TNRC6A: variants seen among roughly 807,000 people sequenced by gnomAD.
The protein encoded by TNRC6A is trinucleotide repeat-containing gene 6A protein.
TNRC6A carries 44 observed loss-of-function variants against 221.2 expected under a neutral mutation model. The ratio of observed to expected loss-of-function variants is 0.20; its 90% CI spans 0.16 to 0.26. The LOEUF (loss-of-function observed/expected upper bound fraction) is 0.26. Ranked by LOEUF, TNRC6A falls within the 10% of genes least tolerant of loss-of-function variation. The pLI is 1.00. For missense variants in TNRC6A, 2,199 were observed against 2,404.4 expected, an observed-to-expected ratio of 0.91 and a Z score of 1.79; for synonymous variants, 847 against 838.5, an observed-to-expected ratio of 1.01 and a Z score of -0.18.
chr16:24,804,261 G>C lies in TNRC6A; in HGVS notation c.3779G>C (p.Gly1260Ala). The C allele has an allele frequency of 6.2e-7, 1 of 1,613,728 alleles. No homozygotes were observed. The change falls in exon 12 of 25, where the codon GGT (glycine) becomes GCT (alanine). Residue 1260 changes from glycine (G) to alanine (A), a missense_variant. Around this residue, in one of 8 missense-constraint regions of TNRC6A, gnomAD observed 158 missense variants for 159.1 expected, o/e 0.99. Transcript: ENST00000395799. ...AATCGAACGGTCGGGAAAGGCCCTG[G>C]TTCTCGGCCTCAGATTTCCAAAGAG... is the stretch of plus-strand genomic sequence containing the variant. ...DYNRTVGKGP[G>A]SRPQISKESS...
chr16:24,624,248 C>T (rs752705006), intron 1 of TNRC6A, among the ~76,000 whole-genome samples: 1 of 152,192 alleles, frequency 6.6e-6, no homozygotes, highest in Non-Finnish European at 1.5e-5. Context: ...GATTCCAAAT[C>T]TCTGCTCTCG....
intron 2 of TNRC6A, among the ~76,000 whole-genome samples, chr16:24,688,859 A>G (rs556252794): frequency 6.6e-6 from 1 of 152,344 alleles, no homozygotes; most frequent in East Asian, 1.9e-4. Context: ...TATGGATACA[A>G]TGAATTTCCA....
intron 2 of TNRC6A, among the ~76,000 whole-genome samples, chr16:24,656,645 C>T (rs2054919756): frequency 6.6e-6 from 1 of 151,716 alleles, no homozygotes; most frequent in African/African-American, 2.4e-5. Context: ...TAAATAACAC[C>T]AGGTTAACAA....
At chr16:24,679,912 T>C (rs1435207161) in intron 2 of TNRC6A, among the ~76,000 whole-genome samples, 1 of 152,158 alleles carries the variant, frequency 6.6e-6, no homozygotes, top group Non-Finnish European at 1.5e-5. Context: ...CCTGGCCCAC[T>C]GGATCTTTAA....
rs758411750 is a variant in TNRC6A, at chr16:24,789,304, C to A, written c.662C>A (p.Ser221Tyr). ...QRGPVSSTSD[S>Y]STNCKNAVVS... is the part of the protein sequence containing the mutation. ...GGACCTGTGTCTTCTACAAGTGATT[C>A]TAGCACAAACTGTAAGAATGCTGTT... The change falls in exon 6 of 25, where the codon TCT (serine) becomes TAT (tyrosine). Residue 221 changes from serine to tyrosine, a missense_variant. Ser to Tyr is a moderately radical substitution (Grantham distance 144). Around this residue, in one of 8 missense-constraint regions of TNRC6A, gnomAD observed 1,405 missense variants for 1,400.2 expected, o/e 1.00. Coordinates refer to ENST00000395799, the MANE Select transcript of TNRC6A (RefSeq NM_014494.4). 6.2e-7 allele frequency: 1 copy of A among 1,614,116 alleles called. No homozygotes were observed. The highest frequency in any genetic ancestry group is 1.1e-5 in the South Asian group (1 of 91,068).
chr16:24,633,660 T>C (rs1288219797), intron 1 of TNRC6A, among the ~76,000 whole-genome samples: 1 of 152,218 alleles, frequency 6.6e-6, no homozygotes, highest in Admixed American at 6.5e-5. Flanking sequence ...CCCAAAGTGC[T>C]GGGATTACAG....
intron 2 of TNRC6A, among the ~76,000 whole-genome samples, chr16:24,723,590 T>C (rs141335692): frequency 0.14 from 7,305 of 52,270 alleles, 287 homozygotes; most frequent in South Asian, 0.25. Context: ...CAAGACTCTG[T>C]CAAAAAAAAA....
At chr16:24,631,394 G>C (rs1412493161) in intron 1 of TNRC6A, among the ~76,000 whole-genome samples, 1 of 152,106 alleles carries the variant, frequency 6.6e-6, no homozygotes, top group African/African-American at 2.4e-5. Flanking sequence ...TCGAGTTCCA[G>C]GACACCCCAC....
At chr16:24,656,464 C>G (rs1409265775) in intron 2 of TNRC6A, among the ~76,000 whole-genome samples, 1 of 60,166 alleles carries the variant, frequency 1.7e-5, no homozygotes, top group Non-Finnish European at 4.2e-5. Flanking sequence ...GAGACTCCAT[C>G]TCAAAAAAAA....
At position 24,676,627 on chromosome 16, in the gene TNRC6A, T is replaced by C. The variant is rs187137054; in HGVS notation, n.402+35618T>C. 1.1e-3 allele frequency among the ~76,000 whole-genome samples: 171 copies of C among 152,234 alleles called. 1 individual carries two copies. The highest frequency in any genetic ancestry group is 1.1e-3 in the Non-Finnish European group (73 of 68,016). On this transcript the variant is annotated intron_variant and non_coding_transcript_variant, in intron 2 of 2. Transcript: ENST00000566108. ...ACGCCACCACGCTTGGCTAATTTTT[T>C]ATTTTTTGTAGAGACAAGGTCTTGC... is the stretch of plus-strand genomic sequence containing the variant.
intron 5 of TNRC6A, among the ~76,000 whole-genome samples, chr16:24,779,986 C>CT (rs1196257910): frequency 6.6e-6 from 1 of 152,124 alleles, no homozygotes; most frequent in Admixed American, 6.6e-5. Context: ...CTTGAGACCT[C>CT]TTTTTTGCAG....
chr16:24,755,085 C>G (rs952533221), intron 3 of TNRC6A, among the ~76,000 whole-genome samples: 5 of 152,182 alleles, frequency 3.3e-5, no homozygotes, highest in Admixed American at 6.5e-5. Flanking sequence ...TACAGTCTTG[C>G]CCCTCATTGC....
chr16:24,713,596 T>A (rs781051171), intron 2 of TNRC6A, among the ~76,000 whole-genome samples: 3 of 152,174 alleles, frequency 2.0e-5, no homozygotes, highest in Non-Finnish European at 2.9e-5. Flanking sequence ...GCCTTGTCTC[T>A]GGCTACTTTT....
At chr16:24,720,691 CAAAA>C (rs60226517) in intron 2 of TNRC6A, among the ~76,000 whole-genome samples, 3 of 28,926 alleles carry the variant, frequency 1.0e-4, no homozygotes, top group Non-Finnish European at 2.5e-4. Flanking sequence ...AACTTCATCT[CAAAA>C]AAAAAAAAAA....
At chr16:24,728,473 T>TA (rs35167595), upstream of TNRC6A, among the ~76,000 whole-genome samples, 35,802 of 144,238 alleles carry the variant, frequency 0.25, 4,741 homozygotes, top group Non-Finnish European at 0.32. Context: ...AATAAAAAAA[T>TA]AAAAAAAAAA....
intron 4 of TNRC6A, among the ~76,000 whole-genome samples, chr16:24,763,895 T>C (rs867109252): frequency 6.6e-6 from 1 of 152,262 alleles, no homozygotes; most frequent in East Asian, 1.9e-4. Context: ...CATAATGTTT[T>C]GGTATGCATA....
chr16:24,626,649 C>CTTTT (rs5816260), intron 1 of TNRC6A, among the ~76,000 whole-genome samples: 6 of 126,938 alleles, frequency 4.7e-5, no homozygotes, highest in Admixed American at 8.4e-5. Context: ...GATACTATTT[C>CTTTT]TTTTTTTTTT....
At position 24,823,762 on chromosome 16, in the gene TNRC6A, T is replaced by C; in HGVS notation, c.5844T>C (p.Ala1948=). The change falls in exon 25 of 25, where the codon GCT becomes GCC. Residue 1948 remains alanine (A), a synonymous_variant. Transcript: ENST00000395799. The surrounding 1 kb of genome is among the most constrained non-coding windows in gnomAD (Gnocchi z 4.3). The part of the protein sequence containing the change: ...RGISSPSPIN[A]FLSVDHLGGG... ...TTAGCAGCCCATCTCCCATTAACGC[T>C]TTTCTTTCTGTTGACCACCTGGGTG... 6.7e-7 allele frequency: 1 copy of C among 1,487,620 alleles called. No homozygotes were observed. The highest frequency in any genetic ancestry group is 2.5e-5 in the East Asian group (1 of 40,512). 92.2% of individuals were successfully genotyped at this position (1,487,620 alleles called of 1,614,324 possible). A position where few individuals can be genotyped will look rare whatever the true frequency, so the allele number is the denominator to read the frequency against.
chr16:24,628,222 T>C (rs750398393), intron 1 of TNRC6A, among the ~76,000 whole-genome samples: 38 of 151,232 alleles, frequency 2.5e-4, no homozygotes, highest in South Asian at 6.3e-4. Flanking sequence ...AGTTGGAGAC[T>C]AGCCTGACCA....
Sources: allele counts gnomAD v4.1 joint callset (sites outside exome capture counted in the v4.1 genomes callset), GRCh38; gene constraint gnomAD v4.1.1; regional missense constraint gnomAD v4.1.1; non-coding constraint Gnocchi (gnomAD v3.1); transcripts MANE v1.5; gene names NCBI Gene and HGNC (gene_info 2026-07-23, HGNC 2026-07-21).